The following ARB2A variants were observed in gnomAD, a reference collection of about 807,000 sequenced individuals.
ARB2A encodes the protein ARB2 cotranscriptional regulator A.
At chr5:94,026,576 G>C in the ARB2A span, among the ~76,000 whole-genome samples, 2 of 152,226 alleles carry the variant, frequency 1.3e-5, no homozygotes, top group South Asian at 4.1e-4. Flanking sequence ...TAAAACAAAA[G>C]TACCACTCAA....
the ARB2A span, chr5:93,741,249 A>G: frequency 3.8e-5 from 61 of 1,613,796 alleles, no homozygotes; most frequent in Non-Finnish European, 4.9e-5. Context: ...TCCGCAGGGC[A>G]ATGTAGGGCC....
chr5:93,665,767 C>T, the ARB2A span, among the ~76,000 whole-genome samples: 13 of 152,156 alleles, frequency 8.5e-5, no homozygotes, highest in Admixed American at 3.9e-4. Flanking sequence ...GTCACTGTGG[C>T]CACTGGAGAA....
At chr5:93,702,325 C>T in the ARB2A span, among the ~76,000 whole-genome samples, 11 of 152,064 alleles carry the variant, frequency 7.2e-5, no homozygotes, top group African/African-American at 2.4e-4. Context: ...ACAAGGAGCT[C>T]CTCACTGAGG....
the ARB2A span, among the ~76,000 whole-genome samples, chr5:93,910,110 CATTT>C: frequency 6.6e-6 from 1 of 150,922 alleles, no homozygotes; most frequent in African/African-American, 2.4e-5. Context: ...TGACTTCATT[CATTT>C]ATTATATATT....
chr5:93,803,534 C>T, the ARB2A span, among the ~76,000 whole-genome samples: 2 of 145,832 alleles, frequency 1.4e-5, no homozygotes, highest in Non-Finnish European at 3.0e-5. Context: ...AGGGGAACAA[C>T]ACATACTGGG....
chr5:93,719,841 T>C, the ARB2A span, among the ~76,000 whole-genome samples: 3 of 152,230 alleles, frequency 2.0e-5, no homozygotes, highest in Admixed American at 6.5e-5. Flanking sequence ...GTAATACAGA[T>C]AGAAAATCCT....
the ARB2A span, among the ~76,000 whole-genome samples, chr5:93,713,986 C>A: frequency 6.6e-6 from 1 of 152,190 alleles, no homozygotes; most frequent in Non-Finnish European, 1.5e-5. Flanking sequence ...GGACTAGGGG[C>A]AGCTAAAGCC....
At chr5:93,813,152 G>C in the ARB2A span, among the ~76,000 whole-genome samples, 7 of 152,264 alleles carry the variant, frequency 4.6e-5, no homozygotes, top group Admixed American at 3.3e-4. Flanking sequence ...TGGCATTTTT[G>C]TTATATCATT....
chr5:93,964,715 A>G, the ARB2A span, among the ~76,000 whole-genome samples: 1 of 152,180 alleles, frequency 6.6e-6, no homozygotes, highest in African/African-American at 2.4e-5. Context: ...AATAACTATG[A>G]ACCTTTGTAT....
At chr5:93,951,080 A>G in the ARB2A span, among the ~76,000 whole-genome samples, 1 of 152,158 alleles carries the variant, frequency 6.6e-6, no homozygotes, top group Non-Finnish European at 1.5e-5. Flanking sequence ...CTGATGATCA[A>G]CGACGTTGGG....
At chr5:93,669,473 G>A in the ARB2A span, among the ~76,000 whole-genome samples, 1 of 148,526 alleles carries the variant, frequency 6.7e-6, no homozygotes, top group East Asian at 1.9e-4. Context: ...ATTTGCAAAG[G>A]GTTACTCAGC....
chr5:94,100,550 A>T, the ARB2A span, among the ~76,000 whole-genome samples: 1 of 152,224 alleles, frequency 6.6e-6, no homozygotes, highest in Non-Finnish European at 1.5e-5. Context: ...CTACAAGGCT[A>T]CAGGGACCAA....
the ARB2A span, among the ~76,000 whole-genome samples, chr5:93,853,971 T>G: frequency 1.3e-5 from 2 of 152,338 alleles, no homozygotes; most frequent in African/African-American, 4.8e-5. Context: ...GCTGGCCTCA[T>G]AAAATGAGTT....
At chr5:94,094,306 C>T in the ARB2A span, among the ~76,000 whole-genome samples, 4 of 152,158 alleles carry the variant, frequency 2.6e-5, no homozygotes, top group South Asian at 4.1e-4. Flanking sequence ...TGCTTTCTCA[C>T]CATGTCCTTA....
At chr5:93,843,326 C>T in the ARB2A span, among the ~76,000 whole-genome samples, 122,416 of 152,050 alleles carry the variant, frequency 0.81, 49,800 homozygotes, top group East Asian at 0.95. Context: ...TTGAAAGAAA[C>T]GGAAGTTTTG....
At chr5:93,883,077 A>G in the ARB2A span, among the ~76,000 whole-genome samples, 1 of 151,560 alleles carries the variant, frequency 6.6e-6, no homozygotes, top group Non-Finnish European at 1.5e-5. Context: ...TTTTTTAAAC[A>G]GTTGATTTCA....
chr5:93,819,050 G>T, the ARB2A span, among the ~76,000 whole-genome samples: 2 of 151,502 alleles, frequency 1.3e-5, no homozygotes, highest in Non-Finnish European at 2.9e-5. Flanking sequence ...GCCGGGCATG[G>T]TGGCGCGTGC....
chr5:93,934,114 T>C, the ARB2A span, among the ~76,000 whole-genome samples: 1 of 152,136 alleles, frequency 6.6e-6, no homozygotes, highest in Admixed American at 6.5e-5. Context: ...ACAAAGAATA[T>C]GTAGAGTTTT....
chr5:93,630,556 T>C, the ARB2A span, among the ~76,000 whole-genome samples: 1 of 152,168 alleles, frequency 6.6e-6, no homozygotes, highest in African/African-American at 2.4e-5. Context: ...TCCTTTCCTC[T>C]AGCTCCTTTT....
Sources: gnomAD v4.1 joint callset for allele counts (sites outside exome capture counted in the v4.1 genomes callset) on GRCh38, gnomAD v4.1.1 for gene constraint, MANE v1.5 for transcripts, NCBI Gene and HGNC (gene_info 2026-07-23, HGNC 2026-07-21) for gene names.